SHISA9: variants seen among roughly 807,000 people sequenced by gnomAD.
SHISA9 encodes shisa family member 9.
SHISA9 carries 13 observed loss-of-function variants against 38.0 expected under a neutral mutation model. The observed-to-expected ratio is 0.34, with a 90% CI of 0.22 to 0.54. The LOEUF is 0.54. Ranked by LOEUF, SHISA9 falls within the 20% of genes least tolerant of loss-of-function variation. The pLI is 0.91. For synonymous variants in SHISA9, 275 were observed against 242.0 expected (o/e 1.14, Z -1.27); for missense variants, 538 against 575.8 (o/e 0.93, Z 0.67).
the SHISA9 span, among the ~76,000 whole-genome samples, chr16:13,408,533 T>G: frequency 2.0e-5 from 3 of 152,156 alleles, no homozygotes; most frequent in African/African-American, 7.2e-5. Context: ...TGATAAAAAT[T>G]TAATATTATT....
the SHISA9 span, among the ~76,000 whole-genome samples, chr16:13,388,043 A>G: frequency 3.9e-5 from 6 of 152,104 alleles, no homozygotes; most frequent in African/African-American, 1.4e-4. Context: ...TTCCATGCTC[A>G]TGGGGAGGTC....
chr16:13,121,288 A>G (rs2050207788), intron 2 of SHISA9, among the ~76,000 whole-genome samples: 1 of 152,206 alleles, frequency 6.6e-6, no homozygotes, highest in African/African-American at 2.4e-5. Context: ...CAGGAGTTCG[A>G]GACCAACCTG....
intron 2 of SHISA9, among the ~76,000 whole-genome samples, chr16:12,932,382 C>T (rs1220781952): frequency 1.3e-5 from 2 of 152,122 alleles, no homozygotes; most frequent in Admixed American, 6.6e-5. Flanking sequence ...TACTCTGTCA[C>T]CCAGGCTGGA....
At chr16:12,969,449 GTGT>G (rs1230296059) in intron 2 of SHISA9, among the ~76,000 whole-genome samples, 1 of 151,568 alleles carries the variant, frequency 6.6e-6, no homozygotes, top group Non-Finnish European at 1.5e-5. Context: ...TCTTCTGTAA[GTGT>G]TGTTCTCCAG....
intron 2 of SHISA9, among the ~76,000 whole-genome samples, chr16:13,082,691 G>A (rs573632709): frequency 3.3e-5 from 5 of 152,238 alleles, no homozygotes; most frequent in African/African-American, 1.2e-4. Flanking sequence ...CAAATGAGAA[G>A]CAGATTATGA....
At chr16:12,929,531 A>G (rs275392) in intron 2 of SHISA9, among the ~76,000 whole-genome samples, 102,882 of 151,582 alleles carry the variant, frequency 0.68, 35,183 homozygotes, top group East Asian at 0.78. Flanking sequence ...CAGCAAACCA[A>G]TGCAGAAACA....
At chr16:13,034,256 G>T (rs2073026892) in intron 2 of SHISA9, among the ~76,000 whole-genome samples, 4 of 152,120 alleles carry the variant, frequency 2.6e-5, no homozygotes, top group African/African-American at 9.7e-5. Context: ...AGGATAGAGG[G>T]AAAGATTCAG....
intron 4 of SHISA9, among the ~76,000 whole-genome samples, chr16:13,218,624 A>G (rs1280376131): frequency 6.6e-6 from 1 of 152,136 alleles, no homozygotes; most frequent in Non-Finnish European, 1.5e-5. Context: ...TAGTTCCTTC[A>G]TCTGTCACGT....
intron 2 of SHISA9, among the ~76,000 whole-genome samples, chr16:13,123,152 A>G (rs2050228407): frequency 2.0e-5 from 3 of 151,342 alleles, no homozygotes. Flanking sequence ...GAACTAGGAT[A>G]TCTATTTGGG....
At chr16:13,541,295 G>C in the SHISA9 span, among the ~76,000 whole-genome samples, 3 of 152,164 alleles carry the variant, frequency 2.0e-5, no homozygotes, top group Admixed American at 2.0e-4. Context: ...GAAAAACAGA[G>C]TAATGTAGTA....
chr16:13,144,184 C>T (rs566248749), intron 2 of SHISA9, among the ~76,000 whole-genome samples: 19 of 147,294 alleles, frequency 1.3e-4, no homozygotes, highest in Admixed American at 3.4e-4. Flanking sequence ...AATGGAGTCT[C>T]GCTCTGTCAT....
the SHISA9 span, among the ~76,000 whole-genome samples, chr16:13,482,793 C>A: frequency 7.4e-4 from 93 of 125,020 alleles, no homozygotes; most frequent in African/African-American, 2.6e-3. Context: ...AGAGCAAGAT[C>A]CTGTCACTAA....
chr16:13,167,855 G>A (rs2050651519), intron 2 of SHISA9, among the ~76,000 whole-genome samples: 1 of 152,094 alleles, frequency 6.6e-6, no homozygotes, highest in Admixed American at 6.5e-5. Flanking sequence ...TTTCTTTATA[G>A]CAGAACTTAG....
chr16:12,972,260 C>G (rs1307956366), intron 2 of SHISA9, among the ~76,000 whole-genome samples: 1 of 151,984 alleles, frequency 6.6e-6, no homozygotes, highest in Non-Finnish European at 1.5e-5. Flanking sequence ...TAATTAAAAA[C>G]AGAAAGATAA....
intron 2 of SHISA9, among the ~76,000 whole-genome samples, chr16:13,171,249 T>C (rs1304883094): frequency 1.3e-5 from 2 of 152,284 alleles, no homozygotes; most frequent in Non-Finnish European, 2.9e-5. Context: ...TCCACCCCCA[T>C]GACCCAAACA....
intron 2 of SHISA9, among the ~76,000 whole-genome samples, chr16:12,964,733 G>A (rs1172009326): frequency 6.6e-6 from 1 of 152,162 alleles, no homozygotes; most frequent in African/African-American, 2.4e-5. Flanking sequence ...GACAGGGAAT[G>A]TAGGGAATTC....
At chr16:12,997,025 A>G (rs1173474740) in intron 2 of SHISA9, among the ~76,000 whole-genome samples, 1 of 152,178 alleles carries the variant, frequency 6.6e-6, no homozygotes, top group Non-Finnish European at 1.5e-5. Flanking sequence ...TATCTTAAGT[A>G]TATAAATCAA....
At chr16:13,462,609 G>C in the SHISA9 span, among the ~76,000 whole-genome samples, 1 of 152,200 alleles carries the variant, frequency 6.6e-6, no homozygotes, top group Non-Finnish European at 1.5e-5. Flanking sequence ...AGATGGCTTT[G>C]AGGTCACGAG....
At chr16:13,345,170 T>C in the SHISA9 span, among the ~76,000 whole-genome samples, 8 of 152,160 alleles carry the variant, frequency 5.3e-5, no homozygotes, top group African/African-American at 1.7e-4. Context: ...TAACCTTGTG[T>C]CATTGGAGTT....
Sources: gnomAD v4.1 joint callset for allele counts (sites outside exome capture counted in the v4.1 genomes callset) on GRCh38, gnomAD v4.1.1 for gene constraint, MANE v1.5 for transcripts, NCBI Gene and HGNC (gene_info 2026-07-23, HGNC 2026-07-21) for gene names.